RBPMS2: variants seen among roughly 807,000 people sequenced by gnomAD.
RBPMS2 encodes the protein RNA binding protein, mRNA processing factor 2, also known as RNA-binding protein with multiple splicing 2.
In RBPMS2, 14 loss-of-function variants were observed where a neutral mutation model predicts 25.7. The ratio of observed to expected loss-of-function variants is 0.55; its 90% CI spans 0.36 to 0.85. The LOEUF (loss-of-function observed/expected upper bound fraction) is 0.85, where lower values mean the gene tolerates loss of function less well. Ranked by LOEUF, RBPMS2 falls within the 40% of genes least tolerant of loss-of-function variation. The pLI, the probability that RBPMS2 is intolerant of heterozygous loss-of-function variation, is 0.01. For synonymous variants in RBPMS2, 127 were observed against 115.6 expected (o/e 1.10, Z -0.63); for missense variants, 252 against 283.4 (o/e 0.89, Z 0.80).
At chr15:64,774,836 G>A (rs1213953753) in intron 1 of RBPMS2, among the ~76,000 whole-genome samples, 1 of 151,440 alleles carries the variant, frequency 6.6e-6, no homozygotes, top group Non-Finnish European at 1.5e-5. Flanking sequence ...GCTCCGCTCC[G>A]TGCCGCCGAG....
intron 1 of RBPMS2, among the ~76,000 whole-genome samples, chr15:64,759,249 G>A (rs1236664110): frequency 1.3e-5 from 2 of 152,192 alleles, no homozygotes; most frequent in African/African-American, 4.8e-5. Flanking sequence ...TGTTTCTGGA[G>A]GCCCCTGGAA....
At chr15:64,744,558 C>A (rs370684373) in intron 6 of RBPMS2, among the ~76,000 whole-genome samples, 255 of 125,708 alleles carry the variant, frequency 2.0e-3, no homozygotes, top group Non-Finnish European at 2.5e-3. Flanking sequence ...AACTCTGTCT[C>A]AAAAAAAAAA....
At chr15:64,771,625 T>G (rs1256996650) in intron 1 of RBPMS2, among the ~76,000 whole-genome samples, 2 of 150,388 alleles carry the variant, frequency 1.3e-5, no homozygotes, top group Non-Finnish European at 3.0e-5. Context: ...GAGCCGAGAT[T>G]GCGCCACTGC....
intron 6 of RBPMS2, 55 bp from the exon 7 acceptor site, chr15:64,741,297 A>T: frequency 7.0e-7 from 1 of 1,428,132 alleles, no homozygotes; most frequent in Non-Finnish European, 9.7e-7. Context: ...CTCAACAGGA[A>T]GCCAGGTAAC....
intron 1 of RBPMS2, chr15:64,762,526 G>A (rs568290576): frequency 3.7e-6 from 2 of 534,528 alleles, no homozygotes; most frequent in East Asian, 5.4e-5. Flanking sequence ...CTTCCCCAAG[G>A]GAAAGAGACC....
chr15:64,767,365 A>T (rs1318276319), intron 1 of RBPMS2, among the ~76,000 whole-genome samples: 1 of 152,150 alleles, frequency 6.6e-6, no homozygotes, highest in African/African-American at 2.4e-5. Flanking sequence ...TGGGCGGAAG[A>T]CAGAGGAAGT....
chr15:64,749,174 G>A, intron 4 of RBPMS2, 24 bp from the exon 5 acceptor site: 1 of 1,613,670 alleles, frequency 6.2e-7, no homozygotes, highest in Non-Finnish European at 8.5e-7. Flanking sequence ...GAAAAGAAGA[G>A]AAAGGCTTAC....
rs562171251 is a variant in RBPMS2 at position 64,745,928 on chromosome 15, G to A, written c.567+2491C>T. 5.9e-5 allele frequency among the ~76,000 whole-genome samples: 9 copies of A among 152,244 alleles called. No homozygotes were observed. In the South Asian group the frequency reaches 1.9e-3, roughly 32 times the overall value. On this transcript the variant is annotated intron_variant, in intron 6 of 7. Transcript: ENST00000300069. ...TGTCCTTCAGCTGCTACCTTCTCCT[G>A]AAGTCACCTCCTTGCCCCCAGGCAC...
rs952585347 is a variant in RBPMS2 at position 64,750,329 on chromosome 15, A to C, written c.204+14T>G. ...TCTGGGCTGGGAGGAAGAAAACCCT[A>C]GGAGAGAAATTACCTGTCTTGCAGT... On this transcript the variant is annotated intron_variant, in intron 3 of 7. Coordinates refer to ENST00000300069, the MANE Select transcript of RBPMS2 (RefSeq NM_194272.3). 1 of 1,611,808 alleles carries C rather than the reference A, an allele frequency of 6.2e-7. No individual in the cohort carries two copies. Among genetic ancestry groups the C allele is most frequent in the African/African-American group, 1.3e-5 (1 of 75,000 alleles).
intron 1 of RBPMS2, among the ~76,000 whole-genome samples, chr15:64,762,164 A>G (rs2083794982): frequency 6.6e-6 from 1 of 152,138 alleles, no homozygotes; most frequent in African/African-American, 2.4e-5. Context: ...CAGACACAGT[A>G]TCTTGCAAAA....
At position 64,774,732 on chromosome 15, in the gene RBPMS2, A is replaced by AGCCGGCCGGCCGGCCGGCCGGCCG. The variant is rs146916271; in HGVS notation, c.87+500_87+501insCGGCCGGCCGGCCGGCCGGCCGGC. ...TGACAACAGCTCGCAGGAACCGAGGAGCCGGCCGGCCCAGGCCTCCAAGGT... is the reference window on the plus strand; with the variant it reads ...TGACAACAGCTCGCAGGAACCGAGGAGCCGGCCGGCCGGCCGGCCGGCCGGCCGGCCGGCCCAGGCCTCCAAGGT... On this transcript the variant is annotated intron_variant, in intron 1 of 7. Transcript: ENST00000300069. 3.3e-4 allele frequency among the ~76,000 whole-genome samples: 48 copies of AGCCGGCCGGCCGGCCGGCCGGCCG among 147,118 alleles called. 1 individual carries two copies. Among genetic ancestry groups the AGCCGGCCGGCCGGCCGGCCGGCCG allele is most frequent in the East Asian group, 8.5e-4 (4 of 4,696 alleles).
intron 1 of RBPMS2, among the ~76,000 whole-genome samples, chr15:64,773,218 A>G (rs2083904661): frequency 6.6e-6 from 1 of 152,194 alleles, no homozygotes; most frequent in African/African-American, 2.4e-5. Context: ...GGGAGCATCT[A>G]AACTACAGGG....
intron 1 of RBPMS2, among the ~76,000 whole-genome samples, chr15:64,765,803 G>T (rs920353021): frequency 6.6e-6 from 1 of 152,072 alleles, no homozygotes; most frequent in African/African-American, 2.4e-5. Flanking sequence ...AAATTAGCCA[G>T]ATCGCTTCTC....
At chr15:64,774,744 C>CCGGCCGGCCT (rs2083917283) in intron 1 of RBPMS2, among the ~76,000 whole-genome samples, 1 of 16,062 alleles carries the variant, frequency 6.2e-5, no homozygotes, top group African/African-American at 1.3e-4. Flanking sequence ...CCGGCCGGCC[C>CCGGCCGGCCT]AGGCCTCCAA....
intron 6 of RBPMS2, among the ~76,000 whole-genome samples, chr15:64,744,793 GTT>G (rs797009588): frequency 2.4e-4 from 14 of 57,814 alleles, no homozygotes; most frequent in African/African-American, 1.2e-3. Context: ...TTTTTGGTTT[GTT>G]TTGTTTTTTT....
At chr15:64,750,987 G>A (rs1567065164) in intron 2 of RBPMS2, among the ~76,000 whole-genome samples, 2 of 151,402 alleles carry the variant, frequency 1.3e-5, no homozygotes, top group African/African-American at 2.4e-5. Flanking sequence ...GCAGTGAGCC[G>A]CACGCCACTG....
intron 1 of RBPMS2, among the ~76,000 whole-genome samples, chr15:64,754,611 CA>C (rs1271477831): frequency 5.7e-5 from 8 of 139,816 alleles, no homozygotes; most frequent in African/African-American, 5.3e-5. Context: ...AACTCCGTCT[CA>C]AAAAAAAAAC....
chr15:64,766,598 T>C (rs1193899064), intron 1 of RBPMS2, among the ~76,000 whole-genome samples: 2 of 151,512 alleles, frequency 1.3e-5, no homozygotes, highest in East Asian at 1.9e-4. Context: ...CAATCTCAGC[T>C]CACTGCAAGC....
chr15:64,762,439 C>T (rs774752400), intron 1 of RBPMS2: 3 of 534,644 alleles, frequency 5.6e-6, no homozygotes, highest in Admixed American at 1.9e-5. Flanking sequence ...TCTAAGTTTA[C>T]GGCTTTCCTG....
Sources: gnomAD v4.1 joint callset for allele counts (sites outside exome capture counted in the v4.1 genomes callset) on GRCh38, gnomAD v4.1.1 for gene constraint, MANE v1.5 for transcripts, NCBI Gene and HGNC (gene_info 2026-07-23, HGNC 2026-07-21) for gene names.